PLCB1: variants seen among roughly 807,000 people sequenced by gnomAD.
PLCB1 encodes the protein phospholipase C beta 1, also known as 1-phosphatidylinositol 4,5-bisphosphate phosphodiesterase beta-1.
PLCB1 carries 46 observed loss-of-function variants against 161.8 expected under a neutral mutation model. The observed-to-expected ratio is 0.28, with a 90% CI of 0.22 to 0.36. The LOEUF is 0.36. Ranked by LOEUF, PLCB1 falls within the 10% of genes least tolerant of loss-of-function variation. PLCB1 has a pLI of 1.00. For missense variants in PLCB1, 1,016 were observed against 1,472.5 expected, an observed-to-expected ratio of 0.69 and a Z score of 5.07; for synonymous variants, 517 against 503.7, an observed-to-expected ratio of 1.03 and a Z score of -0.35.
At chr20:8,558,274 T>C (rs1034306166) in intron 3 of PLCB1, among the ~76,000 whole-genome samples, 3 of 151,848 alleles carry the variant, frequency 2.0e-5, no homozygotes, top group African/African-American at 7.2e-5. Context: ...AAATATCTCA[T>C]ATAATACATA....
intron 9 of PLCB1, among the ~76,000 whole-genome samples, chr20:8,663,592 T>C (rs1355073445): frequency 1.3e-5 from 2 of 152,136 alleles, no homozygotes; most frequent in Non-Finnish European, 2.9e-5. Flanking sequence ...ATGTGTATAT[T>C]GGTTATAAAT....
At chr20:8,522,431 A>G (rs1297511781) in intron 3 of PLCB1, among the ~76,000 whole-genome samples, 1 of 152,116 alleles carries the variant, frequency 6.6e-6, no homozygotes, top group Non-Finnish European at 1.5e-5. Flanking sequence ...GAGTCCACTA[A>G]GAAGGACAAA....
intron 31 of PLCB1, among the ~76,000 whole-genome samples, chr20:8,875,835 G>T (rs1337689589): frequency 6.6e-6 from 1 of 151,904 alleles, no homozygotes; most frequent in Non-Finnish European, 1.5e-5. Flanking sequence ...GTTATACTGG[G>T]TTTTGTTTGT....
At chr20:8,337,561 A>G (rs1985629296) in intron 2 of PLCB1, among the ~76,000 whole-genome samples, 2 of 152,210 alleles carry the variant, frequency 1.3e-5, no homozygotes, top group African/African-American at 2.4e-5. Flanking sequence ...CATATGGAAA[A>G]TGTTGGACTA....
intron 2 of PLCB1, among the ~76,000 whole-genome samples, chr20:8,276,971 C>CTTATTATTATTA (rs1364657407): frequency 4.6e-5 from 5 of 108,194 alleles, no homozygotes; most frequent in Admixed American, 9.5e-5. Context: ...TCTTCTTCTT[C>CTTATTATTATTA]TTCTTCTTCT....
intron 9 of PLCB1, among the ~76,000 whole-genome samples, chr20:8,682,368 G>C (rs1319599256): frequency 6.6e-6 from 1 of 152,144 alleles, no homozygotes; most frequent in Non-Finnish European, 1.5e-5. Flanking sequence ...TGGGCATGGT[G>C]GTGCATGCCT....
intron 3 of PLCB1, among the ~76,000 whole-genome samples, chr20:8,596,006 G>T (rs9679968): frequency 0.075 from 5,367 of 71,906 alleles, 12 homozygotes; most frequent in Non-Finnish European, 0.092. Context: ...TATTAGCCCT[G>T]TGTCAGATGA....
chr20:8,783,041 G>A (rs764893296), intron 27 of PLCB1, among the ~76,000 whole-genome samples: 7 of 152,300 alleles, frequency 4.6e-5, no homozygotes, highest in Admixed American at 2.0e-4. Context: ...GAGAACAAGC[G>A]TGAAGTTTTA....
At chr20:8,779,003 C>T (rs561308040) in intron 27 of PLCB1, among the ~76,000 whole-genome samples, 19 of 152,208 alleles carry the variant, frequency 1.2e-4, no homozygotes, top group African/African-American at 4.6e-4. Flanking sequence ...AACAGGCCTC[C>T]CAGGCTAAAT....
chr20:8,753,039 T>C (rs1568585554), intron 23 of PLCB1, among the ~76,000 whole-genome samples: 1 of 152,008 alleles, frequency 6.6e-6, no homozygotes. Context: ...TAGATTCCCA[T>C]AGGACTGTGA....
At chr20:8,450,105 C>T (rs972491998) in intron 3 of PLCB1, among the ~76,000 whole-genome samples, 1 of 152,164 alleles carries the variant, frequency 6.6e-6, no homozygotes, top group Non-Finnish European at 1.5e-5. Flanking sequence ...TTCAGAAAGC[C>T]TAATGATTTA....
At chr20:8,733,121 C>A (rs1187161331) in intron 18 of PLCB1, 117 bp from the exon 19 acceptor site, 3 of 1,000,270 alleles carry the variant, frequency 3.0e-6, no homozygotes, top group Admixed American at 2.2e-5. Flanking sequence ...TACAATGACT[C>A]TCTTCCAAGG....
chr20:8,333,736 C>T (rs960901455), intron 2 of PLCB1, among the ~76,000 whole-genome samples: 21 of 152,322 alleles, frequency 1.4e-4, no homozygotes, highest in African/African-American at 4.8e-4. Context: ...ATGTGAGCAT[C>T]TTTACTGCAT....
At chr20:8,605,967 A>G (rs745749951) in intron 3 of PLCB1, among the ~76,000 whole-genome samples, 18 of 152,074 alleles carry the variant, frequency 1.2e-4, no homozygotes, top group Non-Finnish European at 2.5e-4. Context: ...CATCCATTTT[A>G]CTGCACAAGA....
At chr20:8,211,663 T>C (rs575984918) in intron 2 of PLCB1, among the ~76,000 whole-genome samples, 1 of 152,198 alleles carries the variant, frequency 6.6e-6, no homozygotes, top group Admixed American at 6.6e-5. Flanking sequence ...CTGTGTTGTT[T>C]TGAGTTGCCG....
intron 2 of PLCB1, among the ~76,000 whole-genome samples, chr20:8,338,163 A>G (rs1328607596): frequency 6.6e-6 from 1 of 152,160 alleles, no homozygotes; most frequent in East Asian, 1.9e-4. Context: ...CAAATACCTT[A>G]ATTTATTAAA....
intron 2 of PLCB1, among the ~76,000 whole-genome samples, chr20:8,358,150 C>G (rs1379017248): frequency 1.5e-5 from 2 of 132,964 alleles, no homozygotes; most frequent in Non-Finnish European, 3.2e-5. Context: ...CCAATAACAG[C>G]AAGCCTTTGG....
intron 3 of PLCB1, among the ~76,000 whole-genome samples, chr20:8,430,245 C>T (rs982237199): frequency 4.6e-5 from 7 of 151,992 alleles, no homozygotes; most frequent in African/African-American, 1.4e-4. Flanking sequence ...GATGGAAGAA[C>T]ATCTACATAA....
chr20:8,141,622 G>GAAA (rs10599705), intron 1 of PLCB1, among the ~76,000 whole-genome samples: 1 of 92,590 alleles, frequency 1.1e-5, no homozygotes. Flanking sequence ...GCGATACTCC[G>GAAA]AAAAAAAAAA....
Sources: allele counts gnomAD v4.1 joint callset (sites outside exome capture counted in the v4.1 genomes callset), GRCh38; gene constraint gnomAD v4.1.1; transcripts MANE v1.5; gene names NCBI Gene and HGNC (gene_info 2026-07-23, HGNC 2026-07-21).